NTRK3: variants seen among roughly 807,000 people sequenced by gnomAD.
The protein encoded by NTRK3 is NT-3 growth factor receptor.
In NTRK3, 24 loss-of-function variants were observed where a neutral mutation model predicts 91.7. The observed-to-expected ratio is 0.26, with a 90% CI of 0.19 to 0.37. NTRK3 has a LOEUF of 0.37. Ranked by LOEUF, NTRK3 falls within the 10% of genes least tolerant of loss-of-function variation. The pLI is 1.00. For synonymous variants in NTRK3, 483 were observed against 404.0 expected (o/e 1.20, Z -2.34); for missense variants, 880 against 1,068.9 (o/e 0.82, Z 2.46).
At chr15:87,959,874 G>C (rs564881053) in intron 14 of NTRK3, among the ~76,000 whole-genome samples, 1 of 152,338 alleles carries the variant, frequency 6.6e-6, no homozygotes, top group South Asian at 2.1e-4. Flanking sequence ...ACTGTCCCAA[G>C]GCATCCTTGC....
At chr15:87,940,783 C>T (rs958167198) in intron 14 of NTRK3, 30 bp from the exon 15 acceptor site, 10 of 1,613,984 alleles carry the variant, frequency 6.2e-6, no homozygotes, top group Non-Finnish European at 8.5e-6. Context: ...AGGAGGGCAG[C>T]AAATCAGTCC....
intron 17 of NTRK3, among the ~76,000 whole-genome samples, chr15:87,898,671 T>G (rs1343943673): frequency 6.6e-6 from 1 of 151,996 alleles, no homozygotes; most frequent in Non-Finnish European, 1.5e-5. Flanking sequence ...AGCTTTAAGA[T>G]GATGGCATTG....
intron 3 of NTRK3, among the ~76,000 whole-genome samples, chr15:88,188,973 G>A (rs1012317803): frequency 6.6e-6 from 1 of 152,198 alleles, no homozygotes; most frequent in Middle Eastern, 3.2e-3. Context: ...TCTCACCACT[G>A]CCCTTCCATT....
intron 10 of NTRK3, among the ~76,000 whole-genome samples, chr15:88,132,931 C>T (rs2041507915): frequency 6.6e-6 from 1 of 152,124 alleles, no homozygotes; most frequent in Non-Finnish European, 1.5e-5. Context: ...TTCTCTGTGA[C>T]TCTATCCTCC....
intron 14 of NTRK3, among the ~76,000 whole-genome samples, chr15:88,027,271 G>A (rs1277693104): frequency 1.3e-5 from 2 of 152,180 alleles, no homozygotes; most frequent in Non-Finnish European, 2.9e-5. Flanking sequence ...CCCCCTCAGA[G>A]AGCTAGTTAA....
intron 14 of NTRK3, among the ~76,000 whole-genome samples, chr15:88,021,979 A>C (rs980860514): frequency 2.0e-5 from 3 of 152,160 alleles, no homozygotes; most frequent in Non-Finnish European, 4.4e-5. Context: ...CCCTTAAAAT[A>C]AGAATGTCTG....
intron 13 of NTRK3, among the ~76,000 whole-genome samples, chr15:88,086,573 G>A (rs1008261300): frequency 6.6e-6 from 1 of 151,952 alleles, no homozygotes; most frequent in South Asian, 2.1e-4. Context: ...CTCGTATTCT[G>A]ATTAGACAGC....
intron 13 of NTRK3, among the ~76,000 whole-genome samples, chr15:88,049,600 C>T (rs1056047742): frequency 3.3e-5 from 5 of 152,158 alleles, no homozygotes; most frequent in African/African-American, 1.2e-4. Context: ...TGAATAATGT[C>T]AACCCTGGCC....
chr15:88,053,940 T>C (rs576727221), intron 13 of NTRK3, among the ~76,000 whole-genome samples: 2 of 152,348 alleles, frequency 1.3e-5, no homozygotes, highest in Middle Eastern at 3.4e-3. Flanking sequence ...TACTGATTAA[T>C]ATGACACTAC....
intron 13 of NTRK3, among the ~76,000 whole-genome samples, chr15:88,061,997 T>A (rs1316308988): frequency 6.6e-6 from 1 of 152,036 alleles, no homozygotes; most frequent in African/African-American, 2.4e-5. Flanking sequence ...TGGAAAAAAA[T>A]AAAAATTAAC....
Position 88,068,027 on chromosome 15 carries a change from C to A in NTRK3, c.1397-34982G>T, listed in dbSNP as rs1375857802. ...AAAGAGAATTACCTACATGTATATT[C>A]CTACCTCAGGAATAGAGTGGATACT... On this transcript the variant is annotated intron_variant, in intron 13 of 18. Transcript: ENST00000394480. Among the ~76,000 whole-genome samples, 12 of 152,238 alleles carry A rather than the reference C, an allele frequency of 7.9e-5. No homozygotes were observed. In the East Asian group the frequency reaches 2.1e-3, roughly 27 times the overall value.
At chr15:88,242,412 C>T (rs1450668499) in intron 3 of NTRK3, among the ~76,000 whole-genome samples, 2 of 152,192 alleles carry the variant, frequency 1.3e-5, no homozygotes, top group Non-Finnish European at 2.9e-5. Context: ...AGGAAAATTG[C>T]ACCCTCTCCA....
intron 17 of NTRK3, among the ~76,000 whole-genome samples, chr15:87,883,934 G>A (rs1237035016): frequency 6.9e-6 from 1 of 145,558 alleles, no homozygotes; most frequent in Non-Finnish European, 1.5e-5. Flanking sequence ...CAGCATTTAA[G>A]CATTTATTTT....
At chr15:88,041,081 G>A (rs1193960291) in intron 13 of NTRK3, among the ~76,000 whole-genome samples, 2 of 152,178 alleles carry the variant, frequency 1.3e-5, no homozygotes, top group Non-Finnish European at 2.9e-5. Context: ...CACAAACAAA[G>A]AGTGCTTGGT....
chr15:87,879,875 C>G (rs1445031456), intron 18 of NTRK3, among the ~76,000 whole-genome samples: 1 of 152,164 alleles, frequency 6.6e-6, no homozygotes, highest in African/African-American at 2.4e-5. Context: ...CTGGGCTTGG[C>G]ATACCTAAAA....
At chr15:87,863,068 G>C in exon 19 of NTRK3, 1 of 230,894 alleles carries the variant, frequency 4.3e-6, no homozygotes, top group Non-Finnish European at 8.6e-6. Flanking sequence ...ATGTTATAAA[G>C]ACTTGTGTAG....
intron 13 of NTRK3, among the ~76,000 whole-genome samples, chr15:88,044,571 GC>G (rs937722669): frequency 1.8e-3 from 71 of 40,280 alleles, no homozygotes; most frequent in Admixed American, 8.0e-3. Flanking sequence ...CACCACACCC[GC>G]CCCCCCACCC....
intron 13 of NTRK3, among the ~76,000 whole-genome samples, chr15:88,105,191 C>T (rs779016329): frequency 2.0e-5 from 3 of 152,188 alleles, no homozygotes; most frequent in South Asian, 2.1e-4. Context: ...TTGTCAACCA[C>T]GGCTCCTCGT....
At chr15:88,040,328 G>T (rs1482124875) in intron 13 of NTRK3, among the ~76,000 whole-genome samples, 1 of 152,220 alleles carries the variant, frequency 6.6e-6, no homozygotes, top group Non-Finnish European at 1.5e-5. Context: ...CAAGAGAGGA[G>T]CCTGGGACAA....
Sources: allele counts gnomAD v4.1 joint callset (sites outside exome capture counted in the v4.1 genomes callset), GRCh38; gene constraint gnomAD v4.1.1; transcripts MANE v1.5; gene names NCBI Gene and HGNC (gene_info 2026-07-23, HGNC 2026-07-21).